The following NPC1 variants were observed in gnomAD, a reference collection of about 807,000 sequenced individuals.
NPC1 encodes the protein Niemann-Pick C1 protein.
In NPC1, 85 loss-of-function variants were observed where a neutral mutation model predicts 140.4. That is an observed-to-expected ratio of 0.61 (90% confidence interval 0.51 to 0.72). The LOEUF is 0.72. Ranked by LOEUF, NPC1 falls within the 30% of genes least tolerant of loss-of-function variation. The pLI is 0.00. For synonymous variants in NPC1, 656 were observed against 624.8 expected, an observed-to-expected ratio of 1.05 and a Z score of -0.74; for missense variants, 1,504 against 1,623.8, an observed-to-expected ratio of 0.93 and a Z score of 1.27.
intron 1 of NPC1, chr18:23,576,944 T>A (rs1289325047): frequency 1.3e-5 from 2 of 152,304 alleles, no homozygotes; most frequent in African/African-American, 4.8e-5. Context: ...CCCGGGCGGG[T>A]TGCTAATGCT....
intron 1 of NPC1, among the ~76,000 whole-genome samples, chr18:23,583,667 G>C (rs1188749389): frequency 6.6e-6 from 1 of 151,854 alleles, no homozygotes; most frequent in East Asian, 1.9e-4. Flanking sequence ...AGGAGTGGAG[G>C]GTTACCCAGG....
At chr18:23,550,479 C>CTTCTTTT (rs746388624) in intron 10 of NPC1, among the ~76,000 whole-genome samples, 1 of 74,922 alleles carries the variant, frequency 1.3e-5, no homozygotes, top group African/African-American at 6.5e-5. Context: ...TCTTACATTT[C>CTTCTTTT]TTTTTTTTTT....
At chr18:23,534,371 C>T (rs937311854) in intron 23 of NPC1, 75 bp downstream of exon 23, 8 of 1,000,672 alleles carry the variant, frequency 8.0e-6, no homozygotes, top group East Asian at 2.4e-5. Flanking sequence ...AGTACAGGAT[C>T]CAGACTCTTC....
intron 11 of NPC1, among the ~76,000 whole-genome samples, chr18:23,545,688 C>T (rs1055041349): frequency 1.1e-4 from 17 of 152,182 alleles, no homozygotes; most frequent in African/African-American, 3.9e-4. Flanking sequence ...AACTCCTCAG[C>T]TTAAGGGATC....
chr18:23,554,991 G>T lies in NPC1; in HGVS notation c.1327-7C>A. 2 of 1,590,882 alleles carry T rather than the reference G, an allele frequency of 1.3e-6. No individual in the cohort carries two copies. Among genetic ancestry groups the T allele is most frequent in the East Asian group, 2.2e-5 (1 of 44,740 alleles). On this transcript the variant is annotated splice_polypyrimidine_tract_variant and splice_region_variant and intron_variant, in intron 8 of 24. Coordinates refer to ENST00000269228, the MANE Select transcript of NPC1 (RefSeq NM_000271.5). ...CTATTTGTAAGTCAAGAACCTGAAA[G>T]AAGATTTTAAAAATAAGCAAACCCA...
intron 6 of NPC1, among the ~76,000 whole-genome samples, chr18:23,558,828 C>T (rs938069099): frequency 4.0e-5 from 6 of 151,896 alleles, no homozygotes; most frequent in Non-Finnish European, 7.4e-5. Flanking sequence ...CCCATTAACT[C>T]GTCATTTAGC....
At chr18:23,541,575 AC>A in intron 14 of NPC1, 142 bp from the exon 15 acceptor site, 1 of 1,084,990 alleles carries the variant, frequency 9.2e-7, no homozygotes, top group South Asian at 1.3e-5. Context: ...TGGACATTAC[AC>A]CAGAAGTGGG....
At chr18:23,549,892 C>T (rs2058843715) in intron 10 of NPC1, among the ~76,000 whole-genome samples, 1 of 151,956 alleles carries the variant, frequency 6.6e-6, no homozygotes, top group Non-Finnish European at 1.5e-5. Context: ...CAGGCACACA[C>T]CACCACGTGT....
downstream of NPC1, chr18:23,524,557 G>A (rs2058237554): frequency 1.4e-6 from 2 of 1,474,882 alleles, no homozygotes; most frequent in Non-Finnish European, 1.9e-6. Flanking sequence ...AGCCAGGGAC[G>A]TTTTCAAGGT....
intron 9 of NPC1, among the ~76,000 whole-genome samples, chr18:23,553,419 C>T (rs1350668154): frequency 6.6e-6 from 1 of 152,236 alleles, no homozygotes; most frequent in Middle Eastern, 3.4e-3. Context: ...ATGAGTATAA[C>T]TCATGTTTTT....
chr18:23,547,940 G>A, intron 11 of NPC1, 66 bp downstream of exon 11: 2 of 944,090 alleles, frequency 2.1e-6, no homozygotes, highest in Non-Finnish European at 3.5e-6. Context: ...AAGTTTAAGT[G>A]CTTGCCGCAA....
rs556845413 is a variant in NPC1 at position 23,533,146 on chromosome 18, C to T, written c.3754+209G>A. ...CAGATCAGGCCTCCAGAAAAAACAT[C>T]GACAACTTCCTAATAAAGTAGTCTG... On this transcript the variant is annotated intron_variant, in intron 24 of 24. Transcript: ENST00000269228. The T allele has an allele frequency of 6.6e-4, 431 of 656,918 alleles. 5 individuals carry two copies. The South Asian group carries it at 7.7e-3, about 12-fold the overall frequency. The allele number at this position is 656,918 out of a possible 1,614,324, so 40.7% of individuals were successfully genotyped here. A position where few individuals can be genotyped will look rare whatever the true frequency, so the allele number is the denominator to read the frequency against.
intron 1 of NPC1, among the ~76,000 whole-genome samples, chr18:23,579,926 T>C (rs992842087): frequency 2.7e-5 from 4 of 150,446 alleles, no homozygotes; most frequent in Admixed American, 6.6e-5. Flanking sequence ...TCAGCAACTA[T>C]AGCAACTGCT....
chr18:23,537,730 A>G (rs2058652952), intron 20 of NPC1, among the ~76,000 whole-genome samples: 1 of 152,164 alleles, frequency 6.6e-6, no homozygotes, highest in Non-Finnish European at 1.5e-5. Flanking sequence ...AACTGAATCT[A>G]CTTCAACTTA....
chr18:23,574,740 T>C (rs140242698), intron 1 of NPC1, among the ~76,000 whole-genome samples: 1,768 of 152,314 alleles, frequency 0.012, 38 homozygotes, highest in African/African-American at 0.041. Context: ...TTGAAAGTCA[T>C]GTTTAGGCCA....
At chr18:23,577,588 G>A (rs1255572106) in intron 1 of NPC1, among the ~76,000 whole-genome samples, 1 of 152,210 alleles carries the variant, frequency 6.6e-6, no homozygotes, top group African/African-American at 2.4e-5. Context: ...CCGCACCGGG[G>A]CTGCAGGTGG....
chr18:23,561,451 G>A lies in NPC1; in HGVS notation c.540C>T (p.Asp180=), dbSNP rs143656971. 2.2e-3 allele frequency: 3,508 copies of A among 1,614,120 alleles called. 23 individuals carry two copies. Among genetic ancestry groups the A allele is most frequent in the Admixed American group, 0.017 (1,029 of 60,016 alleles). ...AGTTGGTGGCATTACAGGCGTCAGC[G>A]TCCTTCCCACACAGGAGTCCCAGGG... ...DKALGLLCGK[D]ADACNATNWI... is the part of the protein sequence containing the mutation. Residue 180 remains aspartate (D), a synonymous_variant, in exon 5 of 25, where the codon GAC becomes GAT. Coordinates refer to ENST00000269228, the MANE Select transcript of NPC1 (RefSeq NM_000271.5).
chr18:23,534,425 G>A, intron 23 of NPC1, 21 bp downstream of exon 23: 2 of 1,523,606 alleles, frequency 1.3e-6, no homozygotes, highest in Non-Finnish European at 1.8e-6. Flanking sequence ...CTGCCGGCGT[G>A]GCCCTGCTCA....
rs2058658740 is a variant in NPC1 at position 23,538,083 on chromosome 18, C to T, written c.3041+459G>A. ...GATGGGGGAGTGAGATAGCCCATAA[C>T]CCTATACATGGATGGGCTGGCAAGG... On this transcript the variant is annotated intron_variant, in intron 20 of 24. Transcript: ENST00000269228. 2.0e-5 allele frequency among the ~76,000 whole-genome samples: 3 copies of T among 152,136 alleles called. No individual in the cohort carries two copies. In the South Asian group the frequency reaches 6.2e-4, roughly 32 times the overall value.
Sources: allele counts gnomAD v4.1 joint callset (sites outside exome capture counted in the v4.1 genomes callset), GRCh38; gene constraint gnomAD v4.1.1; transcripts MANE v1.5; gene names NCBI Gene and HGNC (gene_info 2026-07-23, HGNC 2026-07-21).